The following CDC42BPB variants were observed in gnomAD, a reference collection of about 807,000 sequenced individuals.
CDC42BPB encodes the protein CDC42 binding protein kinase beta.
Under a neutral mutation model 214.9 loss-of-function variants are expected in CDC42BPB, and 37 were observed. The ratio of observed to expected loss-of-function variants is 0.17; its 90% CI spans 0.13 to 0.23. CDC42BPB has a LOEUF of 0.23. Among genes scored for constraint, CDC42BPB ranks in the 10% least tolerant of loss-of-function variants. CDC42BPB has a pLI of 1.00. For synonymous variants in CDC42BPB, 931 were observed against 884.0 expected, an observed-to-expected ratio of 1.05 and a Z score of -0.94; for missense variants, 1,694 against 2,227.0, an observed-to-expected ratio of 0.76 and a Z score of 4.82.
intron 20 of CDC42BPB, among the ~76,000 whole-genome samples, chr14:102,960,629 T>C (rs1007849111): frequency 6.6e-6 from 1 of 151,220 alleles, no homozygotes; most frequent in African/African-American, 2.4e-5. Flanking sequence ...AAAACACATA[T>C]CAAAAAACAA....
chr14:103,023,434 T>C (rs959601840), intron 1 of CDC42BPB, among the ~76,000 whole-genome samples: 14 of 152,166 alleles, frequency 9.2e-5, no homozygotes, highest in African/African-American at 3.4e-4. Flanking sequence ...CCCAAAGTGC[T>C]GGGATTACAG....
chr14:103,038,020 C>A lies in CDC42BPB; in HGVS notation c.175+18979G>T, dbSNP rs1452913732. On this transcript the variant is annotated intron_variant, in intron 1 of 36. Coordinates refer to ENST00000361246, the MANE Select transcript of CDC42BPB (RefSeq NM_006035.4). The stretch of plus-strand genomic sequence containing the variant: ...CTCCAGCCTGGGCAACAGAGCAAGA[C>A]TCCGTCTCAAAAAAAAAAAAGAATT... 2.2e-5 allele frequency among the ~76,000 whole-genome samples: 3 copies of A among 133,488 alleles called. No individual in the cohort carries two copies. In the East Asian group the frequency reaches 6.8e-4, roughly 30 times the overall value. 87.6% of individuals were successfully genotyped at this position (133,488 alleles called of 152,430 possible).
chr14:102,939,491 C>T (rs1003359605), intron 34 of CDC42BPB, 119 bp downstream of exon 34: 18 of 731,606 alleles, frequency 2.5e-5, no homozygotes, highest in Admixed American at 2.0e-4. Context: ...AGCGCCAGGT[C>T]AGAGCACAGC....
At chr14:102,949,290 C>T (rs1892368481) in intron 26 of CDC42BPB, among the ~76,000 whole-genome samples, 1 of 152,184 alleles carries the variant, frequency 6.6e-6, no homozygotes, top group Non-Finnish European at 1.5e-5. Flanking sequence ...CTGCAGCTGA[C>T]ACTGGGTGGC....
chr14:102,966,364 C>T lies in CDC42BPB; in HGVS notation c.2495G>A (p.Arg832Gln), dbSNP rs750491753. 1.2e-6 allele frequency: 2 copies of T among 1,613,754 alleles called. No homozygotes were observed. The highest frequency in any genetic ancestry group is 1.7e-6 in the Non-Finnish European group (2 of 1,179,854). The change falls in exon 18 of 37, where the codon CGG (arginine) becomes CAG (glutamine). Residue 832 changes from arginine to glutamine, a missense_variant. Physicochemically the swap from Arg to Gln is conservative, Grantham distance 43 (BLOSUM62 1). Around this residue, in one of 7 missense-constraint regions of CDC42BPB, gnomAD observed 55 missense variants for 95.5 expected, o/e 0.58. Coordinates refer to ENST00000361246, the MANE Select transcript of CDC42BPB (RefSeq NM_006035.4). ...IQWVSDEKDA[R>Q]GYLQALASKM... is the part of the protein sequence containing the mutation. The stretch of plus-strand genomic sequence containing the variant: ...GGAAGCAAGAGCTTGAAGGTAACCC[C>T]GGGCATCTTTCTCGTCACTGACCCT...
intron 36 of CDC42BPB, chr14:102,934,098 G>A (rs1891522113): frequency 8.8e-7 from 1 of 1,139,722 alleles, no homozygotes; most frequent in Non-Finnish European, 1.1e-6. Flanking sequence ...CAACTCTGTA[G>A]TGAAGAAATC....
intron 8 of CDC42BPB, among the ~76,000 whole-genome samples, chr14:102,979,097 C>T (rs1595488560): frequency 6.6e-6 from 1 of 152,158 alleles, no homozygotes; most frequent in Non-Finnish European, 1.5e-5. Context: ...GACAACAATC[C>T]TTTCAACAAT....
intron 19 of CDC42BPB, 132 bp from the exon 20 acceptor site, chr14:102,963,287 G>A: frequency 7.2e-7 from 1 of 1,389,512 alleles, no homozygotes; most frequent in Non-Finnish European, 9.3e-7. Flanking sequence ...GGTAGCTCAT[G>A]CTGGGCCTTT....
chr14:102,968,734 CAT>C lies in CDC42BPB; in HGVS notation c.1996-20_1996-19del. 1 of 1,611,948 alleles carries C rather than the reference CAT, an allele frequency of 6.2e-7. No individual in the cohort carries two copies. The highest frequency in any genetic ancestry group is 1.3e-5 in the African/African-American group (1 of 74,842). On this transcript the variant is annotated intron_variant, in intron 14 of 36. Transcript: ENST00000361246. ...TGCTTCACCTGAAGACAAAGGTTAA[CAT>C]AAATTGACAAACCTCTGTGTCCTCA...
At chr14:102,976,929 A>G (rs1454649580) in intron 9 of CDC42BPB, among the ~76,000 whole-genome samples, 1 of 152,202 alleles carries the variant, frequency 6.6e-6, no homozygotes, top group Admixed American at 6.5e-5. Flanking sequence ...TGGTAAATCA[A>G]TATGCCCACC....
At chr14:103,019,387 C>T (rs376360376) in intron 1 of CDC42BPB, among the ~76,000 whole-genome samples, 3 of 152,218 alleles carry the variant, frequency 2.0e-5, no homozygotes, top group South Asian at 2.1e-4. Flanking sequence ...TCACCCACAG[C>T]GTCAGCCATG....
At chr14:102,995,170 T>G (rs765875960) in intron 5 of CDC42BPB, among the ~76,000 whole-genome samples, 2 of 152,082 alleles carry the variant, frequency 1.3e-5, no homozygotes, top group Non-Finnish European at 2.9e-5. Context: ...TGATGTTCTC[T>G]CTCTCTCTCT....
Position 102,945,779 on chromosome 14 carries a change from TG to T in CDC42BPB, c.3749-56del, listed in dbSNP as rs1268818389. 5 of 1,482,338 alleles carry T rather than the reference TG, an allele frequency of 3.4e-6. No individual in the cohort carries two copies. The African/African-American group carries it at 6.9e-5, about 20-fold the overall frequency. 91.8% of individuals were successfully genotyped at this position (1,482,338 alleles called of 1,614,324 possible). On this transcript the variant is annotated intron_variant, in intron 28 of 36. Coordinates refer to ENST00000361246, the MANE Select transcript of CDC42BPB (RefSeq NM_006035.4). ...TCAGTACAGCCGACCGTGAACAATA[TG>T]GGTTTGAATGCGTGGGTGGGCTCAT...
intron 21 of CDC42BPB, among the ~76,000 whole-genome samples, chr14:102,955,514 T>A (rs1244797768): frequency 6.6e-6 from 1 of 152,254 alleles, no homozygotes; most frequent in Non-Finnish European, 1.5e-5. Flanking sequence ...CAGAGGTCGG[T>A]GGGCCCATGA....
chr14:102,935,028 A>G (rs1203827666), intron 36 of CDC42BPB, among the ~76,000 whole-genome samples: 1 of 151,784 alleles, frequency 6.6e-6, no homozygotes, highest in African/African-American at 2.4e-5. Context: ...AAAAAAAAAA[A>G]AGAAAAAAAG....
chr14:102,972,040 C>A lies in CDC42BPB; in HGVS notation c.1763G>T (p.Arg588Leu). 1 of 1,614,250 alleles carries A rather than the reference C, an allele frequency of 6.2e-7. No homozygotes were observed. Among genetic ancestry groups the A allele is most frequent in the Non-Finnish European group, 8.5e-7 (1 of 1,180,050 alleles). ...SELNERMAEL[R>L]AQKQKVSRQL... ...CCGGGACACCTTCTGCTTCTGGGCACGGAGCTCTGCCATGCGCTCGTTCAG... is the reference window on the plus strand; with the variant it reads ...CCGGGACACCTTCTGCTTCTGGGCAAGGAGCTCTGCCATGCGCTCGTTCAG... The change falls in exon 13 of 37, where the codon CGT becomes CTT. Residue 588 changes from arginine (R) to leucine (L), a missense_variant. Physicochemically the swap from Arg to Leu is moderately radical, Grantham distance 102 (BLOSUM62 -2). Around this residue, in one of 7 missense-constraint regions of CDC42BPB, gnomAD observed 462 missense variants for 513.5 expected, o/e 0.90. Transcript: ENST00000361246.
At chr14:102,978,965 T>A (rs1893880211) in intron 8 of CDC42BPB, among the ~76,000 whole-genome samples, 1 of 152,194 alleles carries the variant, frequency 6.6e-6, no homozygotes, top group African/African-American at 2.4e-5. Flanking sequence ...TGAGGTTGTA[T>A]CACTGTATTC....
intron 25 of CDC42BPB, 50 bp from the exon 26 acceptor site, chr14:102,949,954 G>A (rs1448846464): frequency 1.2e-6 from 2 of 1,605,218 alleles, no homozygotes; most frequent in East Asian, 2.2e-5. Flanking sequence ...CAGGCAGGCC[G>A]CCAGGCCCCA....
intron 30 of CDC42BPB, chr14:102,940,995 G>T: frequency 4.0e-6 from 2 of 502,350 alleles, no homozygotes; most frequent in Non-Finnish European, 5.2e-6. Context: ...CACCCAAGGT[G>T]CCACGGATGT....
Sources: gnomAD v4.1 joint callset for allele counts (sites outside exome capture counted in the v4.1 genomes callset) on GRCh38, gnomAD v4.1.1 for gene constraint, gnomAD v4.1.1 regional missense constraint, MANE v1.5 for transcripts, NCBI Gene and HGNC (gene_info 2026-07-23, HGNC 2026-07-21) for gene names.